Variants in SLC15A4 observed in about 807,000 individuals in gnomAD.
The protein encoded by SLC15A4 is hPHT1.
In SLC15A4, 26 loss-of-function variants were observed where a neutral mutation model predicts 46.1. The observed-to-expected ratio is 0.56, with a 90% confidence interval of 0.41 to 0.78. The LOEUF is 0.78. SLC15A4 is among the 30% of genes least tolerant of loss of function. The probability of loss-of-function intolerance (pLI) is 0.00; values close to 1 mark genes in which losing one functional copy is unlikely to be tolerated. For missense variants in SLC15A4, 751 were observed against 755.7 expected (o/e 0.99, Z 0.07); for synonymous variants, 370 against 333.4 (o/e 1.11, Z -1.20).
intron 5 of SLC15A4, 172 bp from the exon 6 acceptor site, chr12:128,801,181 T>A (rs1463409870): frequency 1.7e-6 from 1 of 595,660 alleles, no homozygotes; most frequent in African/African-American, 1.9e-5. Context: ...TTCAGCCTCC[T>A]AAGCAGGCTG....
At chr12:128,820,648 G>A (rs1353092523) in intron 1 of SLC15A4, among the ~76,000 whole-genome samples, 1 of 101,794 alleles carries the variant, frequency 9.8e-6, no homozygotes, top group Non-Finnish European at 2.4e-5. Flanking sequence ...CACCGTACGT[G>A]TCATGTAGAC....
At chr12:128,805,563 C>T (rs2135710798) in intron 5 of SLC15A4, among the ~76,000 whole-genome samples, 1 of 152,222 alleles carries the variant, frequency 6.6e-6, no homozygotes, top group South Asian at 2.1e-4. Context: ...GACAGAGTCT[C>T]ACTCTGTTGC....
At chr12:128,796,250 C>G (rs983471416) in intron 7 of SLC15A4, among the ~76,000 whole-genome samples, 3 of 151,876 alleles carry the variant, frequency 2.0e-5, no homozygotes, top group Non-Finnish European at 4.4e-5. Flanking sequence ...ACGATGAAAC[C>G]CCGTCTCTAC....
chr12:128,821,235 C>T (rs949375851), intron 1 of SLC15A4, among the ~76,000 whole-genome samples: 1 of 152,216 alleles, frequency 6.6e-6, no homozygotes, highest in African/African-American at 2.4e-5. Flanking sequence ...GCCCATTCTA[C>T]TTCCATAGCT....
intron 1 of SLC15A4, 98 bp downstream of exon 1, chr12:128,823,300 C>A: frequency 8.5e-7 from 1 of 1,182,154 alleles, no homozygotes. Context: ...GCAAGGGGCT[C>A]CCTCCGCGGT....
rs748654325 is a variant in SLC15A4 at position 128,794,303 on chromosome 12, G to T, written c.1627C>A (p.Gln543Lys). 6.2e-6 allele frequency: 10 copies of T among 1,613,458 alleles called. No homozygotes were observed. The highest frequency in any genetic ancestry group is 8.5e-6 in the Non-Finnish European group (10 of 1,179,644). Residue 543 changes from glutamine (Q) to lysine (K), a missense_variant, in exon 8 of 8, where the codon CAA (glutamine) becomes AAA (lysine). Transcript: ENST00000266771. ...AGGAAAAGCAGGAGGGTAGCTCCTTGAATAGCAGCCAGAAGAAAAAAGTAA... is the reference window on the plus strand; with the variant it reads ...AGGAAAAGCAGGAGGGTAGCTCCTTTAATAGCAGCCAGAAGAAAAAAGTAA... ...NYYFFLLAAI[Q>K]GATLLLFLII... is the part of the protein sequence containing the mutation.
intron 3 of SLC15A4, 53 bp downstream of exon 3, chr12:128,809,890 G>A: frequency 6.4e-7 from 1 of 1,563,642 alleles, no homozygotes; most frequent in South Asian, 1.2e-5. Context: ...CAAGTGCTAG[G>A]GTAAGACTTC....
At chr12:128,812,596 T>G (rs910435688) in intron 2 of SLC15A4, among the ~76,000 whole-genome samples, 9 of 152,094 alleles carry the variant, frequency 5.9e-5, no homozygotes, top group African/African-American at 1.7e-4. Flanking sequence ...GATTACGGGC[T>G]TGAGCCACCA....
chr12:128,800,542 G>A (rs989271538), intron 6 of SLC15A4, among the ~76,000 whole-genome samples: 4 of 152,228 alleles, frequency 2.6e-5, no homozygotes, highest in Non-Finnish European at 5.9e-5. Context: ...CAGCCACCAC[G>A]GCAGCATGGC....
chr12:128,810,207 T>G, intron 2 of SLC15A4, 96 bp from the exon 3 acceptor site: 1 of 1,233,204 alleles, frequency 8.1e-7, no homozygotes, highest in Non-Finnish European at 1.1e-6. Flanking sequence ...ACCAGCTCAC[T>G]GTATTGAATC....
intron 1 of SLC15A4, among the ~76,000 whole-genome samples, chr12:128,818,864 C>T (rs2135723547): frequency 6.6e-6 from 1 of 152,304 alleles, no homozygotes; most frequent in South Asian, 2.1e-4. Flanking sequence ...AATCACACAA[C>T]TGGGGCCTTA....
chr12:128,822,997 G>T (rs764732545), intron 1 of SLC15A4, among the ~76,000 whole-genome samples: 27 of 152,028 alleles, frequency 1.8e-4, no homozygotes, highest in Non-Finnish European at 3.1e-4. Context: ...CGCCTCCACG[G>T]AGGGCAAATT....
At position 128,823,531 on chromosome 12, in the gene SLC15A4, A is replaced by G. The variant is rs1020860639; in HGVS notation, c.413T>C (p.Leu138Pro). ...TRAALCGSARLLNCTAPGPDA... is the reference protein window; with the variant it reads ...TRAALCGSARPLNCTAPGPDA... ...GGGACCAGGCGCCGTGCAGTTGAGC[A>G]GGCGCGCGGAACCGCAGAGCGCGGC... is the stretch of plus-strand genomic sequence containing the variant. Residue 138 changes from leucine (L) to proline (P), a missense_variant, in exon 1 of 8, where the codon CTG becomes CCG. Coordinates refer to ENST00000266771, the MANE Select transcript of SLC15A4 (RefSeq NM_145648.4). 2.3e-5 allele frequency: 34 copies of G among 1,469,120 alleles called. No homozygotes were observed. The Admixed American group carries it at 5.9e-4, about 25-fold the overall frequency. 91.0% of individuals were successfully genotyped at this position (1,469,120 alleles called of 1,614,324 possible). A position where few individuals can be genotyped will look rare whatever the true frequency, so the allele number is the denominator to read the frequency against.
In SLC15A4 at chr12:128,799,407, A is replaced by C; in HGVS notation, c.1425T>G (p.Phe475Leu). The C allele has an allele frequency of 6.2e-7, 1 of 1,614,164 alleles. No individual in the cohort carries two copies. Among genetic ancestry groups the C allele is most frequent in the Non-Finnish European group, 8.5e-7 (1 of 1,180,014 alleles). ...TGGACTTGGGGGCAGCTGAGTATGC[A>C]AATTCCAGGCCTGAGGAAAGAAAAG... is the stretch of plus-strand genomic sequence containing the variant. ...EIFASIAGLE[F>L]AYSAAPKSMQ... Residue 475 changes from phenylalanine to leucine, a missense_variant, in exon 7 of 8, where the codon TTT becomes TTG. Phe to Leu is a conservative substitution (Grantham distance 22). Transcript: ENST00000266771.
rs1955884084 is a variant in SLC15A4 at position 128,823,571 on chromosome 12, C to A, written c.373G>T (p.Ala125Ser). 1 of 1,440,542 alleles carries A rather than the reference C, an allele frequency of 6.9e-7. No individual in the cohort carries two copies. Among genetic ancestry groups the A allele is most frequent in the Non-Finnish European group, 9.1e-7 (1 of 1,104,744 alleles). 89.2% of individuals were successfully genotyped at this position (1,440,542 alleles called of 1,614,324 possible). Residue 125 changes from alanine to serine, a missense_variant, in exon 1 of 8, where the codon GCG (alanine) becomes TCG (serine). Transcript: ENST00000266771. ...CAGAGCGCGGCTCGCGTGGCGGGCGCGGCCAGCAGCGGGAAGGCCAGCATG... is the reference window on the plus strand; with the variant it reads ...CAGAGCGCGGCTCGCGTGGCGGGCGAGGCCAGCAGCGGGAAGGCCAGCATG... ...LGMLAFPLLA[A>S]PATRAALCGS...
At chr12:128,801,487 G>A (rs1415559398) in intron 5 of SLC15A4, 3 of 154,578 alleles carry the variant, frequency 1.9e-5, no homozygotes, top group South Asian at 2.0e-4. Context: ...TAATAATGAT[G>A]ATGATGATGT....
At chr12:128,807,791 T>G (rs1276545882) in intron 5 of SLC15A4, among the ~76,000 whole-genome samples, 1 of 152,266 alleles carries the variant, frequency 6.6e-6, no homozygotes, top group Non-Finnish European at 1.5e-5. Context: ...CTCACTTTAA[T>G]TATCTATTTG....
At chr12:128,797,233 T>A (rs1425438969) in intron 7 of SLC15A4, among the ~76,000 whole-genome samples, 2 of 150,962 alleles carry the variant, frequency 1.3e-5, no homozygotes, top group Admixed American at 6.6e-5. Context: ...CATGGATAAA[T>A]GCCTCGTGAC....
At position 128,800,972 on chromosome 12, in the gene SLC15A4, C is replaced by G. The variant is rs911736221; in HGVS notation, c.1296G>C (p.Glu432Asp). Reference protein sequence around the residue: ...LESKRLNLVKEKTINQTIGNV... With the variant: ...LESKRLNLVKDKTINQTIGNV... Reference sequence around the variant, plus strand: ...TGCCGATGGTCTGATTAATGGTTTTCTCTTTAACAAGGTTCAGCCTTTTAC... The same window carrying G: ...TGCCGATGGTCTGATTAATGGTTTTGTCTTTAACAAGGTTCAGCCTTTTAC... Residue 432 changes from glutamate (E) to aspartate (D), a missense_variant, in exon 6 of 8, where the codon GAG becomes GAC. Glu to Asp is a conservative substitution (Grantham distance 45). Coordinates refer to ENST00000266771, the MANE Select transcript of SLC15A4 (RefSeq NM_145648.4). 3 of 1,613,632 alleles carry G rather than the reference C, an allele frequency of 1.9e-6. No homozygotes were observed. In the African/African-American group the frequency reaches 4.0e-5, roughly 22 times the overall value.
Sources: allele counts gnomAD v4.1 joint callset (sites outside exome capture counted in the v4.1 genomes callset), GRCh38; gene constraint gnomAD v4.1.1; transcripts MANE v1.5; gene names NCBI Gene and HGNC (gene_info 2026-07-23, HGNC 2026-07-21).